Variants in PHF21B observed in about 807,000 individuals in gnomAD.
PHF21B encodes the protein PHD finger protein 4.
A neutral mutation model predicts 62.2 loss-of-function variants in PHF21B; 22 were observed. The observed-to-expected ratio is 0.35, with a 90% CI of 0.25 to 0.51. The LOEUF is 0.51. PHF21B is among the 20% of genes least tolerant of loss of function. The pLI is 0.97. For missense variants in PHF21B, 701 were observed against 707.9 expected (o/e 0.99, Z 0.11); for synonymous variants, 341 against 314.7 (o/e 1.08, Z -0.88).
intron 12 of PHF21B, among the ~76,000 whole-genome samples, chr22:44,884,701 TCACCATCAC>T (rs1171910158): frequency 4.3e-5 from 6 of 139,936 alleles, no homozygotes; most frequent in Non-Finnish European, 1.5e-5. Flanking sequence ...ATTACAACCA[TCACCATCAC>T]CACCATGATC....
At chr22:44,945,501 G>A (rs2072049856) in intron 2 of PHF21B, among the ~76,000 whole-genome samples, 3 of 152,196 alleles carry the variant, frequency 2.0e-5, no homozygotes, top group South Asian at 4.1e-4. Context: ...CACGGGGCCT[G>A]TTTCCCAGCA....
At chr22:44,968,310 G>A (rs968154900) in intron 2 of PHF21B, among the ~76,000 whole-genome samples, 1 of 152,112 alleles carries the variant, frequency 6.6e-6, no homozygotes, top group Non-Finnish European at 1.5e-5. Flanking sequence ...TCTGTACTTG[G>A]TCTATGATGC....
rs577807088 is a variant in PHF21B, at chr22:44,889,473, T to C, written c.1038+287A>G. On this transcript the variant is annotated intron_variant, in intron 9 of 12. Coordinates refer to ENST00000313237, the MANE Select transcript of PHF21B (RefSeq NM_138415.5). The stretch of plus-strand genomic sequence containing the variant: ...TTGGGCACCAGCTGGCTGCTTCCAG[T>C]TGGGCCTCAGTGGCCCCTGCAGTCT... 7.9e-5 allele frequency among the ~76,000 whole-genome samples: 12 copies of C among 152,356 alleles called. No homozygotes were observed. In the East Asian group the frequency reaches 1.5e-3, roughly 20 times the overall value.
At position 44,881,287 on chromosome 22, in the gene PHF21B, T is replaced by C. The variant is rs531853206; in HGVS notation, c.*1799A>G. On this transcript the variant is annotated 3_prime_UTR_variant, in exon 13 of 13. Transcript: ENST00000313237. ...GGTCCTCCTTGGTCCAAAAAAAACC[T>C]AACAATCTCAAGACACATCGGCAGC... 8 of 152,758 alleles carry C rather than the reference T, an allele frequency of 5.2e-5. No individual in the cohort carries two copies. Among genetic ancestry groups the C allele is most frequent in the African/African-American group, 1.9e-4 (8 of 41,564 alleles). 9.5% of individuals were successfully genotyped at this position (152,758 alleles called of 1,614,324 possible).
intron 2 of PHF21B, among the ~76,000 whole-genome samples, chr22:44,983,009 C>T (rs1047909566): frequency 6.6e-6 from 1 of 152,026 alleles, no homozygotes; most frequent in East Asian, 1.9e-4. Context: ...TTTGGGAGAC[C>T]GAGGTGGGAG....
chr22:45,008,168 T>G (rs935272677), intron 2 of PHF21B: 18 of 181,612 alleles, frequency 9.9e-5, no homozygotes, highest in Admixed American at 9.3e-4. Flanking sequence ...TCCAACGAGT[T>G]TGGTGTCCAG....
At chr22:44,944,005 G>C (rs897674242) in intron 2 of PHF21B, among the ~76,000 whole-genome samples, 2 of 152,210 alleles carry the variant, frequency 1.3e-5, no homozygotes, top group African/African-American at 4.8e-5. Context: ...GGAAGGAACA[G>C]CGCTGGGCCT....
chr22:44,916,482 C>T lies in PHF21B; in HGVS notation c.362G>A (p.Ser121Asn). ...PALPTANNTV[S>N]HVPAPGSQPQ... Reference sequence around the variant, plus strand: ...CTGGCTGCCGGGCGCTGGCACATGGCTGACAGTGTTGTTGGCGGTGGGGAG... The same window carrying T: ...CTGGCTGCCGGGCGCTGGCACATGGTTGACAGTGTTGTTGGCGGTGGGGAG... Residue 121 changes from serine to asparagine, a missense_variant, in exon 4 of 13, where the codon AGC (serine) becomes AAC (asparagine). By Grantham distance (46) the Ser-to-Asn change is conservative. Coordinates refer to ENST00000313237, the MANE Select transcript of PHF21B (RefSeq NM_138415.5). 6.2e-7 allele frequency: 1 copy of T among 1,606,940 alleles called. No individual in the cohort carries two copies. Among genetic ancestry groups the T allele is most frequent in the Non-Finnish European group, 8.5e-7 (1 of 1,179,112 alleles).
At chr22:45,007,537 C>G (rs1458377980) in intron 2 of PHF21B, among the ~76,000 whole-genome samples, 1 of 77,082 alleles carries the variant, frequency 1.3e-5, no homozygotes, top group East Asian at 3.1e-4. Context: ...TGGCCGGGGG[C>G]GCGGCGCGGG....
chr22:44,940,826 G>T (rs1474318195), intron 2 of PHF21B, among the ~76,000 whole-genome samples: 1 of 152,190 alleles, frequency 6.6e-6, no homozygotes, highest in African/African-American at 2.4e-5. Flanking sequence ...GGCAGGAGTG[G>T]GTGAGATGGA....
intron 2 of PHF21B, among the ~76,000 whole-genome samples, chr22:45,007,262 A>C (rs2073334139): frequency 1.3e-5 from 2 of 151,238 alleles, no homozygotes; most frequent in South Asian, 4.2e-4. Context: ...GCCCCCTCCC[A>C]TCACTTTTTA....
rs552629359 is a variant in PHF21B, at chr22:44,954,976, G to A, written c.121-34486C>T. 6.6e-5 allele frequency among the ~76,000 whole-genome samples: 10 copies of A among 152,294 alleles called. No homozygotes were observed. In the East Asian group the frequency reaches 7.7e-4, roughly 12 times the overall value. ...GAGCAGGCGGGGACAACAGGACCTC[G>A]GGGTGGCAGGCGGGGTGGAGCTTCC... On this transcript the variant is annotated intron_variant, in intron 2 of 12. Transcript: ENST00000313237.
Position 45,009,613 on chromosome 22 carries a change from C to G in PHF21B, c.-64G>C. 1.4e-6 allele frequency: 2 copies of G among 1,474,688 alleles called. No individual in the cohort carries two copies. Among genetic ancestry groups the G allele is most frequent in the Admixed American group, 2.4e-5 (1 of 41,930 alleles). The allele number at this position is 1,474,688 out of a possible 1,614,324, so 91.4% of individuals were successfully genotyped here. On this transcript the variant is annotated 5_prime_UTR_variant, in exon 1 of 13. Transcript: ENST00000313237. This position sits in a 1 kb window ranked among gnomAD's most constrained non-coding sequence, Gnocchi z 5.9. ...CGGGCTCCCGGGAAGTTGCGCGGCT[C>G]CGCGGGGGCCAGAGCGGGCGCGGGC...
chr22:45,008,687 C>A lies in PHF21B; in HGVS notation c.55-77G>T, dbSNP rs1001007390. On this transcript the variant is annotated intron_variant, in intron 1 of 12. Transcript: ENST00000313237. ...ACCCCAGCACCGCGGGCCGCGGCAC[C>A]CCCCGCCCGGAGCCCCACGGGCGGG... 3.2e-6 allele frequency: 4 copies of A among 1,248,010 alleles called. No individual in the cohort carries two copies. In the African/African-American group the frequency reaches 4.7e-5, roughly 15 times the overall value. 77.3% of individuals were successfully genotyped at this position (1,248,010 alleles called of 1,614,324 possible).
At chr22:44,925,772 T>C (rs2071617237) in intron 2 of PHF21B, among the ~76,000 whole-genome samples, 1 of 152,140 alleles carries the variant, frequency 6.6e-6, no homozygotes, top group Non-Finnish European at 1.5e-5. Flanking sequence ...TGGGGGGTTA[T>C]GGGGATTGTC....
intron 12 of PHF21B, 93 bp downstream of exon 12, chr22:44,885,333 C>T: frequency 8.1e-7 from 1 of 1,229,130 alleles, no homozygotes; most frequent in Non-Finnish European, 1.1e-6. Context: ...CCTGGATCTA[C>T]ACCTGTGGTT....
In PHF21B at chr22:44,889,726, C is replaced by G. The variant is rs367916285; in HGVS notation, c.1038+34G>C. 3.8e-6 allele frequency: 6 copies of G among 1,581,472 alleles called. No homozygotes were observed. In the African/African-American group the frequency reaches 6.9e-5, roughly 18 times the overall value. On this transcript the variant is annotated intron_variant, in intron 9 of 12. Transcript: ENST00000313237. ...ACTGTACTGAAAACATTCTCCACCC[C>G]GGAAGTGTGAAGACGGAGGGAGGGG... is the stretch of plus-strand genomic sequence containing the variant.
intron 2 of PHF21B, among the ~76,000 whole-genome samples, chr22:44,997,978 A>G (rs2073150891): frequency 6.6e-6 from 1 of 152,136 alleles, no homozygotes; most frequent in African/African-American, 2.4e-5. Context: ...CCTACCCTCA[A>G]TTGTAGACTC....
At chr22:44,945,425 T>C (rs986579139) in intron 2 of PHF21B, among the ~76,000 whole-genome samples, 1 of 152,184 alleles carries the variant, frequency 6.6e-6, no homozygotes, top group African/African-American at 2.4e-5. Flanking sequence ...GACCCTCCCA[T>C]CCTTGGGTGG....
Sources: gnomAD v4.1 joint callset for allele counts (sites outside exome capture counted in the v4.1 genomes callset) on GRCh38, gnomAD v4.1.1 for gene constraint, Gnocchi (gnomAD v3.1) non-coding constraint, MANE v1.5 for transcripts, NCBI Gene and HGNC (gene_info 2026-07-23, HGNC 2026-07-21) for gene names.